The following AGMO variants were observed in gnomAD, a reference collection of about 807,000 sequenced individuals.
The protein encoded by AGMO is alkylglycerol monooxygenase, also known as glyceryl-ether monooxygenase.
In AGMO, 75 loss-of-function variants were observed where a neutral mutation model predicts 60.2. That is an observed-to-expected ratio of 1.25 (90% CI 1.03 to 1.51). The LOEUF is 1.51. Ranked by LOEUF, AGMO falls within the 40% of genes most tolerant of loss-of-function variation. The probability of loss-of-function intolerance (pLI) is 0.00; values close to 1 mark genes in which losing one functional copy is unlikely to be tolerated. For synonymous variants in AGMO, 261 were observed against 177.1 expected (o/e 1.47, Z -3.76); for missense variants, 763 against 525.5 (o/e 1.45, Z -4.42).
At chr7:15,405,815 T>C (rs972345824) in intron 5 of AGMO, among the ~76,000 whole-genome samples, 2 of 151,816 alleles carry the variant, frequency 1.3e-5, no homozygotes, top group South Asian at 2.1e-4. Context: ...TCTTTTGGGT[T>C]CTGAGAACAA....
chr7:15,387,148 T>C (rs1196227631), intron 9 of AGMO, among the ~76,000 whole-genome samples: 1 of 152,202 alleles, frequency 6.6e-6, no homozygotes, highest in Non-Finnish European at 1.5e-5. Flanking sequence ...CAAGTCGATA[T>C]GAAAACCAGC....
chr7:15,341,325 C>A (rs572422321), intron 12 of AGMO, among the ~76,000 whole-genome samples: 2 of 152,274 alleles, frequency 1.3e-5, no homozygotes, highest in South Asian at 4.1e-4. Flanking sequence ...TAAATCATTT[C>A]TCTGAAGTTC....
At chr7:15,451,744 C>A (rs1781861333) in intron 3 of AGMO, among the ~76,000 whole-genome samples, 1 of 151,966 alleles carries the variant, frequency 6.6e-6, no homozygotes, top group South Asian at 2.1e-4. Flanking sequence ...GAATGATTTG[C>A]AAATTGGGAA....
At chr7:15,132,590 T>C in the AGMO span, among the ~76,000 whole-genome samples, 1 of 152,110 alleles carries the variant, frequency 6.6e-6, no homozygotes, top group Non-Finnish European at 1.5e-5. Flanking sequence ...AGGGAAATAA[T>C]GGCCTGGAAG....
intron 12 of AGMO, among the ~76,000 whole-genome samples, chr7:15,313,277 C>G (rs1780820862): frequency 1.3e-5 from 2 of 152,298 alleles, no homozygotes; most frequent in Admixed American, 6.5e-5. Flanking sequence ...TAACTATATT[C>G]CACACACGAT....
chr7:15,411,363 T>C (rs1780599167), intron 5 of AGMO, among the ~76,000 whole-genome samples: 2 of 151,572 alleles, frequency 1.3e-5, no homozygotes, highest in Admixed American at 6.7e-5. Context: ...AGGAGGAAAC[T>C]GAAGCACAAG....
rs192961991 is a variant in AGMO, at chr7:15,485,104, C to T, written c.410-53996G>A. On this transcript the variant is annotated intron_variant, in intron 3 of 12. Transcript: ENST00000342526. ...TCGAGGTGAGGAATTCGAGACCAGC[C>T]TGGCCAACATGGCAAAACCCCGTCT... 2.5e-4 allele frequency among the ~76,000 whole-genome samples: 37 copies of T among 145,288 alleles called. No individual in the cohort carries two copies. The East Asian group carries it at 7.1e-3, about 28-fold the overall frequency.
intron 12 of AGMO, among the ~76,000 whole-genome samples, chr7:15,248,051 G>A (rs7804974): frequency 0.65 from 96,300 of 149,276 alleles, 31,787 homozygotes; most frequent in African/African-American, 0.77. Context: ...AGAATGCTTC[G>A]AACAGAAGAA....
intron 12 of AGMO, among the ~76,000 whole-genome samples, chr7:15,248,222 A>ATATATATATATC (rs1554401294): frequency 5.8e-5 from 6 of 104,198 alleles, no homozygotes; most frequent in African/African-American, 1.5e-4. Flanking sequence ...ATATATATAT[A>ATATATATATATC]TATCTTCATC....
intron 5 of AGMO, among the ~76,000 whole-genome samples, chr7:15,407,070 C>T (rs1327418725): frequency 7.1e-6 from 1 of 141,260 alleles, no homozygotes; most frequent in Non-Finnish European, 1.5e-5. Flanking sequence ...TATATGTATT[C>T]CATATGTGTA....
intron 12 of AGMO, among the ~76,000 whole-genome samples, chr7:15,255,516 C>A (rs367886792): frequency 8.9e-6 from 1 of 112,754 alleles, no homozygotes; most frequent in Admixed American, 1.2e-4. Flanking sequence ...TGCCTGTCTC[C>A]AAAGCCATGT....
At chr7:15,334,946 G>T (rs530355895) in intron 12 of AGMO, among the ~76,000 whole-genome samples, 4 of 152,092 alleles carry the variant, frequency 2.6e-5, no homozygotes, top group Non-Finnish European at 5.9e-5. Context: ...CTCTATTTTA[G>T]TCAGAAAAGT....
At chr7:15,253,128 A>C (rs142601662) in intron 12 of AGMO, among the ~76,000 whole-genome samples, 1 of 152,304 alleles carries the variant, frequency 6.6e-6, no homozygotes, top group East Asian at 1.9e-4. Flanking sequence ...TTTTGAGATG[A>C]AAGAAATAAC....
chr7:15,516,875 T>A (rs1783821336), intron 3 of AGMO, among the ~76,000 whole-genome samples: 1 of 151,892 alleles, frequency 6.6e-6, no homozygotes, highest in Non-Finnish European at 1.5e-5. Context: ...GATGGGAGGA[T>A]GAGGGGCAAG....
chr7:15,197,480 A>G (rs374217455), downstream of AGMO, among the ~76,000 whole-genome samples: 2 of 152,386 alleles, frequency 1.3e-5, no homozygotes. Context: ...ATGATTAGGA[A>G]TGCACATATT....
chr7:15,554,481 G>A (rs1158171096), intron 2 of AGMO, among the ~76,000 whole-genome samples: 1 of 151,980 alleles, frequency 6.6e-6, no homozygotes, highest in South Asian at 2.1e-4. Context: ...TGCATATAGA[G>A]AGACTTTCCT....
intron 12 of AGMO, among the ~76,000 whole-genome samples, chr7:15,273,412 AG>A (rs1296577662): frequency 6.6e-6 from 1 of 152,026 alleles, no homozygotes; most frequent in Non-Finnish European, 1.5e-5. Flanking sequence ...TGTTTTTGTC[AG>A]GTTTGTCAAA....
At position 15,505,472 on chromosome 7, in the gene AGMO, C is replaced by G. The variant is rs1352321576; in HGVS notation, c.409+39300G>C. Among the ~76,000 whole-genome samples the G allele has an allele frequency of 2.0e-5, 3 of 152,108 alleles. No homozygotes were observed. In the East Asian group the frequency reaches 5.8e-4, roughly 29 times the overall value. On this transcript the variant is annotated intron_variant, in intron 3 of 12. Coordinates refer to ENST00000342526, the MANE Select transcript of AGMO (RefSeq NM_001004320.2). The stretch of plus-strand genomic sequence containing the variant: ...ACAACTAAAACTACTCCTTGCCACT[C>G]AACCAAGCAGGGAGATGTTATTCCT...
intron 10 of AGMO, among the ~76,000 whole-genome samples, chr7:15,368,769 C>T (rs1783085731): frequency 1.3e-5 from 2 of 152,096 alleles, no homozygotes. Context: ...ACAGGAAACT[C>T]ACAGATGAAA....
Sources: gnomAD v4.1 joint callset for allele counts (sites outside exome capture counted in the v4.1 genomes callset) on GRCh38, gnomAD v4.1.1 for gene constraint, MANE v1.5 for transcripts, NCBI Gene and HGNC (gene_info 2026-07-23, HGNC 2026-07-21) for gene names.